THOC1: variants seen among roughly 807,000 people sequenced by gnomAD.
The protein encoded by THOC1 is THO complex 1.
A neutral mutation model predicts 97.3 loss-of-function variants in THOC1; 29 were observed. The ratio of observed to expected loss-of-function variants is 0.30; its 90% CI spans 0.22 to 0.41. The LOEUF (loss-of-function observed/expected upper bound fraction) is 0.41. Ranked by LOEUF, THOC1 falls within the 10% of genes least tolerant of loss-of-function variation. THOC1 has a pLI of 1.00. For synonymous variants in THOC1, 255 were observed against 257.0 expected (o/e 0.99, Z 0.07); for missense variants, 529 against 761.9 (o/e 0.69, Z 3.60).
At chr18:225,197 T>C (rs1911238803) in intron 13 of THOC1, 58 bp from the exon 14 acceptor site, 1 of 1,537,120 alleles carries the variant, frequency 6.5e-7, no homozygotes. Flanking sequence ...TAGGAGTGGT[T>C]TGTAGGCAGA....
At position 254,362 on chromosome 18, in the gene THOC1, A is replaced by G. The variant is rs1912373734; in HGVS notation, c.521-7T>C. On this transcript the variant is annotated splice_polypyrimidine_tract_variant and splice_region_variant and intron_variant, in intron 7 of 20. Transcript: ENST00000261600. The surrounding 1 kb of genome is among the most constrained non-coding windows in gnomAD (Gnocchi z 4.1). ...TGACTCTGCAAGTTAAGACCTAGTA[A>G]AAAAACAAAAAAAAGATGCAAAGCA... The G allele has an allele frequency of 6.5e-7, 1 of 1,537,156 alleles. No individual in the cohort carries two copies. Among genetic ancestry groups the G allele is most frequent in the African/African-American group, 1.4e-5 (1 of 72,924 alleles).
rs1336092339 is a variant in THOC1 at position 246,373 on chromosome 18, T to G, written c.869A>C (p.Lys290Thr). ...AAAATATACATGTTCTCCTCCTGTT[T>G]TCAATTCTTCCATCTTTTTTCTTGA... is the stretch of plus-strand genomic sequence containing the variant. The part of the protein sequence containing the change: ...QASRKKMEEL[K>T]TGGEHVYFAK... Residue 290 changes from lysine to threonine, a missense_variant, in exon 11 of 21, where the codon AAA becomes ACA. Physicochemically the swap from Lys to Thr is moderately conservative, Grantham distance 78. Around this residue, in one of 8 missense-constraint regions of THOC1, gnomAD observed 92 missense variants for 127.0 expected, o/e 0.72. Transcript: ENST00000261600. 1.2e-6 allele frequency: 2 copies of G among 1,604,022 alleles called. No homozygotes were observed. The highest frequency in any genetic ancestry group is 1.7e-6 in the Non-Finnish European group (2 of 1,172,162).
intron 9 of THOC1, among the ~76,000 whole-genome samples, chr18:250,630 T>C (rs188130669): frequency 1.1e-4 from 16 of 152,348 alleles, no homozygotes; most frequent in Non-Finnish European, 2.1e-4. Flanking sequence ...CTTCATATTG[T>C]AGGTAGATGG....
Position 218,988 on chromosome 18 carries a change from A to T in THOC1, c.1371-19T>A. On this transcript the variant is annotated intron_variant, in intron 17 of 20. Coordinates refer to ENST00000261600, the MANE Select transcript of THOC1 (RefSeq NM_005131.3). ...GTGTTCCCTGAGCGGTACAAAAATA[A>T]CCAGTGAGGATGGCATATATTCTTA... The T allele has an allele frequency of 6.5e-7, 1 of 1,540,186 alleles. No homozygotes were observed. Among genetic ancestry groups the T allele is most frequent in the Non-Finnish European group, 8.8e-7 (1 of 1,134,016 alleles).
intron 11 of THOC1, among the ~76,000 whole-genome samples, chr18:227,334 A>T (rs949499709): frequency 6.6e-6 from 1 of 152,112 alleles, no homozygotes; most frequent in African/African-American, 2.4e-5. Flanking sequence ...ATTTTTTTTT[A>T]AAGTAAAACT....
chr18:264,431 T>G (rs526402), intron 3 of THOC1, among the ~76,000 whole-genome samples: 145,268 of 152,272 alleles, frequency 0.95, 69,655 homozygotes, highest in East Asian at 1. Context: ...GGCAGGGCTA[T>G]GAGAATTAAC....
Position 216,549 on chromosome 18 carries a change from C to T in THOC1, c.1539G>A (p.Gln513=). Residue 513 remains glutamine (Q), a synonymous_variant, in exon 19 of 21, where the codon CAG becomes CAA. Transcript: ENST00000261600. ...GATATTCTGGTAAACTTTTAAACTGCTGGTTGGTTGGCTGGAAGAAGTGAG... is the reference window on the plus strand; with the variant it reads ...GATATTCTGGTAAACTTTTAAACTGTTGGTTGGTTGGCTGGAAGAAGTGAG... ...RSPHFFQPTN[Q]QFKSLPEYLE... The T allele has an allele frequency of 1.2e-6, 2 of 1,613,952 alleles. No individual in the cohort carries two copies. Among genetic ancestry groups the T allele is most frequent in the Non-Finnish European group, 1.7e-6 (2 of 1,179,886 alleles).
At position 242,203 on chromosome 18, in the gene THOC1, G is replaced by A. The variant is rs1359252001; in HGVS notation, c.918+4121C>T. On this transcript the variant is annotated intron_variant, in intron 11 of 20. Transcript: ENST00000261600. The surrounding 1 kb of genome is among the most constrained non-coding windows in gnomAD (Gnocchi z 4.5). Reference sequence around the variant, plus strand: ...TAAAGTTTATATCATCTGGCTGGGCGTGGTGGCTCACGCCTGTAATCCCTG... The same window carrying A: ...TAAAGTTTATATCATCTGGCTGGGCATGGTGGCTCACGCCTGTAATCCCTG... 6.6e-6 allele frequency among the ~76,000 whole-genome samples: 1 copy of A among 151,624 alleles called. No homozygotes were observed. Among genetic ancestry groups the A allele is most frequent in the South Asian group, 2.1e-4 (1 of 4,824 alleles).
At chr18:221,690 G>A (rs12956730) in intron 17 of THOC1, among the ~76,000 whole-genome samples, 6 of 142,480 alleles carry the variant, frequency 4.2e-5, no homozygotes, top group Non-Finnish European at 9.0e-5. Flanking sequence ...CTCACTGCAA[G>A]CTCCGCCTCC....
At chr18:222,782 T>C (rs1476386364) in intron 17 of THOC1, among the ~76,000 whole-genome samples, 3 of 152,234 alleles carry the variant, frequency 2.0e-5, no homozygotes, top group African/African-American at 7.2e-5. Flanking sequence ...GTAGGTTGTC[T>C]GTTTTTTCTC....
intron 11 of THOC1, among the ~76,000 whole-genome samples, chr18:241,776 A>G (rs1438508696): frequency 6.6e-6 from 1 of 152,238 alleles, no homozygotes; most frequent in Non-Finnish European, 1.5e-5. Flanking sequence ...CATGCTACAT[A>G]GTACAGAGGG....
intron 4 of THOC1, among the ~76,000 whole-genome samples, chr18:261,834 A>T (rs1311404201): frequency 6.6e-6 from 1 of 152,190 alleles, no homozygotes; most frequent in African/African-American, 2.4e-5. Flanking sequence ...AGAACTAAGC[A>T]AGGTTTGGGA....
intron 6 of THOC1, among the ~76,000 whole-genome samples, 162 bp downstream of exon 6, chr18:259,520 A>T (rs1440980840): frequency 6.6e-6 from 1 of 152,134 alleles, no homozygotes; most frequent in Non-Finnish European, 1.5e-5. Flanking sequence ...GAACAAAAAC[A>T]GTTTAAAGTG....
At chr18:226,044 A>G (rs2143172992) in intron 12 of THOC1, 1 of 152,422 alleles carries the variant, frequency 6.6e-6, no homozygotes, top group East Asian at 1.9e-4. Context: ...TCTCACTTCA[A>G]AGTCCCTCAT....
intron 9 of THOC1, among the ~76,000 whole-genome samples, chr18:250,524 A>AT (rs1912245239): frequency 6.6e-6 from 1 of 152,192 alleles, no homozygotes; most frequent in African/African-American, 2.4e-5. Context: ...AACTTGATAT[A>AT]TTTTTTTAAA....
At chr18:219,046 A>G (rs1457283446) in intron 17 of THOC1, 77 bp from the exon 18 acceptor site, 9 of 420,306 alleles carry the variant, frequency 2.1e-5, no homozygotes, top group Middle Eastern at 1.0e-3. Flanking sequence ...TGGCAGGACA[A>G]GATTGTGGGC....
chr18:244,843 TAA>T (rs2143244600), intron 11 of THOC1: 1 of 152,230 alleles, frequency 6.6e-6, no homozygotes. Context: ...CCATGGCTTT[TAA>T]CTGCTCTTCC....
At chr18:218,801 T>C in intron 18 of THOC1, 85 bp downstream of exon 18, 1 of 1,137,372 alleles carries the variant, frequency 8.8e-7, no homozygotes, top group Non-Finnish European at 1.3e-6. Context: ...CTGCCTCTCT[T>C]AAGAGGCTTT....
At chr18:267,864 C>A in intron 1 of THOC1, 102 bp downstream of exon 1, 1 of 1,274,222 alleles carries the variant, frequency 7.8e-7, no homozygotes, top group South Asian at 1.5e-5. Flanking sequence ...GCGGACACAC[C>A]TCTGTCTCAC....
Sources: gnomAD v4.1 joint callset for allele counts (sites outside exome capture counted in the v4.1 genomes callset) on GRCh38, gnomAD v4.1.1 for gene constraint, gnomAD v4.1.1 regional missense constraint, Gnocchi (gnomAD v3.1) non-coding constraint, MANE v1.5 for transcripts, NCBI Gene and HGNC (gene_info 2026-07-23, HGNC 2026-07-21) for gene names.